RALY: variants seen among roughly 807,000 people sequenced by gnomAD.
The protein encoded by RALY is RALY heterogeneous nuclear ribonucleoprotein, also known as RNA-binding protein Raly.
RALY carries 15 observed loss-of-function variants against 30.7 expected under a neutral mutation model. That is an observed-to-expected ratio of 0.49 (90% confidence interval 0.33 to 0.75). The LOEUF is 0.75. Ranked by LOEUF, RALY falls within the 30% of genes least tolerant of loss-of-function variation. The pLI is 0.02. For missense variants in RALY, 339 were observed against 414.3 expected (o/e 0.82, Z 1.58); for synonymous variants, 177 against 170.8 (o/e 1.04, Z -0.28).
At chr20:34,017,551 ACTTTCTCTTG>A (rs995973776) in intron 1 of RALY, 24 of 152,158 alleles carry the variant, frequency 1.6e-4, no homozygotes, top group African/African-American at 5.8e-4. Context: ...GCTTGCTTTT[ACTTTCTCTTG>A]CTTTCTCATC....
Position 34,051,795 on chromosome 20 carries a change from C to T in RALY, c.-10+20191C>T, listed in dbSNP as rs377236664. Among the ~76,000 whole-genome samples the T allele has an allele frequency of 3.9e-5, 6 of 152,162 alleles. No homozygotes were observed. The South Asian group carries it at 6.2e-4, about 16-fold the overall frequency. On this transcript the variant is annotated intron_variant, in intron 2 of 9. Coordinates refer to ENST00000246194, the MANE Select transcript of RALY (RefSeq NM_016732.3). Reference sequence around the variant, plus strand: ...TGTTGTTGTTGTTGTTTAGTAGAGACGGGTTTTCACCGTGTTTGCCAGGAT... The same window carrying T: ...TGTTGTTGTTGTTGTTTAGTAGAGATGGGTTTTCACCGTGTTTGCCAGGAT...
intron 2 of RALY, among the ~76,000 whole-genome samples, chr20:34,066,678 A>G (rs2033582313): frequency 7.0e-6 from 1 of 142,960 alleles, no homozygotes; most frequent in African/African-American, 2.7e-5. Context: ...TGCGTGAGCC[A>G]CTTCCTGGCC....
chr20:33,999,363 T>C (rs1178131294), intron 1 of RALY, among the ~76,000 whole-genome samples: 5 of 152,118 alleles, frequency 3.3e-5, no homozygotes, highest in Admixed American at 6.5e-5. Context: ...TGGTTATGGA[T>C]TCTAGTTCTT....
intron 1 of RALY, among the ~76,000 whole-genome samples, chr20:34,001,738 T>C (rs1042154048): frequency 2.6e-5 from 4 of 152,194 alleles, no homozygotes; most frequent in African/African-American, 9.6e-5. Flanking sequence ...TGGTAAGAGA[T>C]ATGACCACAC....
chr20:34,009,242 G>GTT (rs1371922457), intron 1 of RALY, among the ~76,000 whole-genome samples: 1 of 150,586 alleles, frequency 6.6e-6, no homozygotes. Context: ...GTTTTTTTTT[G>GTT]TTTTGTTTTG....
chr20:34,074,882 C>T (rs1421448302), intron 5 of RALY, among the ~76,000 whole-genome samples: 1 of 152,190 alleles, frequency 6.6e-6, no homozygotes, highest in African/African-American at 2.4e-5. Flanking sequence ...AAGGGGCTCC[C>T]TGAACAAAGG....
At position 34,019,782 on chromosome 20, in the gene RALY, C is replaced by T. The variant is rs11907927; in HGVS notation, c.-92-11740C>T. The stretch of plus-strand genomic sequence containing the variant: ...TTTATTCGGTAGATAGGAAGCTTGG[C>T]CGGGCGCGGTGGCTCACGCCTGTAA... On this transcript the variant is annotated intron_variant, in intron 1 of 9. Transcript: ENST00000246194. 1.1e-3 allele frequency among the ~76,000 whole-genome samples: 169 copies of T among 152,270 alleles called. 1 individual carries two copies. The highest frequency in any genetic ancestry group is 3.9e-3 in the African/African-American group (161 of 41,538).
chr20:34,075,637 C>T (rs541159567), intron 5 of RALY, among the ~76,000 whole-genome samples: 4 of 152,152 alleles, frequency 2.6e-5, no homozygotes, highest in Non-Finnish European at 5.9e-5. Context: ...GATGCCTTGC[C>T]TGCCCTTACT....
chr20:34,049,341 A>C (rs1370794973), intron 2 of RALY, among the ~76,000 whole-genome samples: 2 of 152,148 alleles, frequency 1.3e-5, no homozygotes, highest in Non-Finnish European at 2.9e-5. Context: ...GTTAGTCATC[A>C]TTCTAGTAAC....
chr20:33,994,568 C>G (rs2030503520), intron 1 of RALY, among the ~76,000 whole-genome samples: 2 of 152,250 alleles, frequency 1.3e-5, no homozygotes, highest in Non-Finnish European at 2.9e-5. Flanking sequence ...CTAACCCGGA[C>G]TGGGTCTACG....
At chr20:34,020,335 G>A (rs1240121198) in intron 1 of RALY, among the ~76,000 whole-genome samples, 1 of 152,196 alleles carries the variant, frequency 6.6e-6, no homozygotes, top group East Asian at 1.9e-4. Context: ...ACTTGTCTCT[G>A]AGTAGATAAT....
intron 1 of RALY, among the ~76,000 whole-genome samples, chr20:33,995,373 A>C (rs2030564390): frequency 6.6e-6 from 1 of 152,140 alleles, no homozygotes; most frequent in Non-Finnish European, 1.5e-5. Flanking sequence ...CAGACCTTGC[A>C]GGTTCTCTGT....
intron 2 of RALY, among the ~76,000 whole-genome samples, chr20:34,055,778 A>T (rs1601482202): frequency 6.6e-6 from 1 of 152,202 alleles, no homozygotes; most frequent in African/African-American, 2.4e-5. Flanking sequence ...AATATCTTTG[A>T]CATCATTAAA....
rs1240828613 is a variant in RALY at position 34,058,049 on chromosome 20, G to A, written c.-9-14017G>A. Among the ~76,000 whole-genome samples the A allele has an allele frequency of 3.3e-5, 5 of 151,990 alleles. No individual in the cohort carries two copies. In the East Asian group the frequency reaches 9.6e-4, roughly 29 times the overall value. ...TTTTTTTCTTTTAACCAGTTGCAGTGTAGAAGCTTGTTTAGTGTAGTGCCT... is the reference window on the plus strand; with the variant it reads ...TTTTTTTCTTTTAACCAGTTGCAGTATAGAAGCTTGTTTAGTGTAGTGCCT... On this transcript the variant is annotated intron_variant, in intron 2 of 9. Coordinates refer to ENST00000246194, the MANE Select transcript of RALY (RefSeq NM_016732.3).
chr20:34,057,233 G>A (rs1467666406), intron 2 of RALY, among the ~76,000 whole-genome samples: 1 of 152,174 alleles, frequency 6.6e-6, no homozygotes, highest in Non-Finnish European at 1.5e-5. Flanking sequence ...GAAAAACACT[G>A]GAAGGAAATA....
At chr20:34,034,891 G>A (rs1308068110) in intron 2 of RALY, among the ~76,000 whole-genome samples, 1 of 152,092 alleles carries the variant, frequency 6.6e-6, no homozygotes, top group African/African-American at 2.4e-5. Flanking sequence ...GGTGGCTCAC[G>A]CCTGTAATCC....
At chr20:34,076,940 G>A in intron 7 of RALY, 88 bp from the exon 8 acceptor site, 1 of 1,603,366 alleles carries the variant, frequency 6.2e-7, no homozygotes, top group Non-Finnish European at 8.5e-7. Flanking sequence ...CACTCACCAT[G>A]CTGAGGCCAG....
intron 2 of RALY, among the ~76,000 whole-genome samples, chr20:34,044,593 C>T (rs954512159): frequency 6.6e-6 from 1 of 152,174 alleles, no homozygotes; most frequent in Non-Finnish European, 1.5e-5. Flanking sequence ...CTGCCTCGGC[C>T]TCCCGAAGCT....
chr20:33,999,934 T>A (rs1286962995), intron 1 of RALY, among the ~76,000 whole-genome samples: 1 of 152,150 alleles, frequency 6.6e-6, no homozygotes, highest in East Asian at 1.9e-4. Context: ...ATTTTATGAT[T>A]CTAGGTGGTG....
Sources: allele counts gnomAD v4.1 joint callset (sites outside exome capture counted in the v4.1 genomes callset), GRCh38; gene constraint gnomAD v4.1.1; transcripts MANE v1.5; gene names NCBI Gene and HGNC (gene_info 2026-07-23, HGNC 2026-07-21).